Variants in ST6GALNAC5 observed in about 807,000 individuals in gnomAD.
The protein encoded by ST6GALNAC5 is alpha-N-acetylgalactosaminide alpha-2,6-sialyltransferase 5.
Under a neutral mutation model 33.6 loss-of-function variants are expected in ST6GALNAC5, and 27 were observed. The ratio of observed to expected loss-of-function variants is 0.80; its 90% confidence interval spans 0.59 to 1.11. ST6GALNAC5 has a LOEUF of 1.11. Ranked by LOEUF, ST6GALNAC5 falls within the 50% of genes least tolerant of loss-of-function variation. ST6GALNAC5 has a pLI of 0.00. For synonymous variants in ST6GALNAC5, 194 were observed against 171.2 expected (o/e 1.13, Z -1.04); for missense variants, 428 against 454.0 (o/e 0.94, Z 0.52).
intron 2 of ST6GALNAC5, among the ~76,000 whole-genome samples, chr1:76,879,514 A>G (rs1419144650): frequency 2.0e-5 from 3 of 152,120 alleles, no homozygotes; most frequent in African/African-American, 4.8e-5. Flanking sequence ...CACACCTCCT[A>G]TTGGGTCACA....
chr1:76,927,076 C>A (rs922139592), intron 2 of ST6GALNAC5, among the ~76,000 whole-genome samples: 2 of 151,898 alleles, frequency 1.3e-5, no homozygotes, highest in Admixed American at 1.3e-4. Context: ...TCAGGTATTG[C>A]AAATATTTTC....
intron 2 of ST6GALNAC5, among the ~76,000 whole-genome samples, chr1:76,958,071 C>T (rs1222975155): frequency 1.3e-5 from 2 of 151,996 alleles, no homozygotes; most frequent in Admixed American, 6.6e-5. Flanking sequence ...AAAAGAGTTC[C>T]CCGCAGGAGA....
At chr1:77,019,467 T>A (rs1650974728) in intron 2 of ST6GALNAC5, among the ~76,000 whole-genome samples, 1 of 152,232 alleles carries the variant, frequency 6.6e-6, no homozygotes, top group Non-Finnish European at 1.5e-5. Flanking sequence ...GGAGCCTGCA[T>A]CTTCATTGCT....
chr1:76,920,908 G>A (rs1252321312), intron 2 of ST6GALNAC5, among the ~76,000 whole-genome samples: 1 of 152,138 alleles, frequency 6.6e-6, no homozygotes. Flanking sequence ...GTGGGTTGCT[G>A]TAGTGTAAAC....
chr1:76,910,774 CACAG>C (rs1449930868), intron 2 of ST6GALNAC5, among the ~76,000 whole-genome samples: 1 of 151,830 alleles, frequency 6.6e-6, no homozygotes, highest in Non-Finnish European at 1.5e-5. Context: ...TAGACAAAGA[CACAG>C]ACAGTGGAAA....
intron 2 of ST6GALNAC5, among the ~76,000 whole-genome samples, chr1:76,871,063 G>A (rs1234708288): frequency 1.3e-5 from 2 of 152,170 alleles, no homozygotes; most frequent in Admixed American, 6.5e-5. Context: ...TGTTGTTTAT[G>A]TTCTCTCCAA....
rs1651927616 is a variant in ST6GALNAC5 at position 77,044,253 on chromosome 1, A to G, written c.311A>G (p.His104Arg). Reference protein sequence around the residue: ...RDCALVTSSGHLLHSRQGSQI... With the variant: ...RDCALVTSSGRLLHSRQGSQI... ...TGTGCCCTGGTGACCAGCTCAGGGC[A>G]TCTGCTGCACAGTCGGCAAGGCTCC... is the stretch of plus-strand genomic sequence containing the variant. Residue 104 changes from histidine to arginine, a missense_variant, in exon 3 of 5, where the codon CAT (histidine) becomes CGT (arginine). Coordinates refer to ENST00000477717, the MANE Select transcript of ST6GALNAC5 (RefSeq NM_030965.3). The G allele has an allele frequency of 6.8e-6, 11 of 1,613,808 alleles. No homozygotes were observed. Among genetic ancestry groups the G allele is most frequent in the Non-Finnish European group, 8.5e-6 (10 of 1,179,944 alleles).
At chr1:76,932,104 C>T (rs577560535) in intron 2 of ST6GALNAC5, among the ~76,000 whole-genome samples, 69 of 152,112 alleles carry the variant, frequency 4.5e-4, no homozygotes, top group Middle Eastern at 3.4e-3. Flanking sequence ...AAAGAAGTAG[C>T]GGTGAAATAT....
rs1337861589 is a variant in ST6GALNAC5, at chr1:76,987,979, G to T, written c.262-56225G>T. On this transcript the variant is annotated intron_variant, in intron 2 of 4. Transcript: ENST00000477717. Reference sequence around the variant, plus strand: ...CTCAAATATGTTTTCCAAACTTTTAGATTTCTCTTCTTCCTTAGAAACACC... The same window carrying T: ...CTCAAATATGTTTTCCAAACTTTTATATTTCTCTTCTTCCTTAGAAACACC... Among the ~76,000 whole-genome samples the T allele has an allele frequency of 3.3e-5, 5 of 152,012 alleles. No homozygotes were observed. In the South Asian group the frequency reaches 6.2e-4, roughly 19 times the overall value.
At chr1:76,980,167 A>G (rs920843337) in intron 2 of ST6GALNAC5, among the ~76,000 whole-genome samples, 2 of 152,138 alleles carry the variant, frequency 1.3e-5, no homozygotes, top group Admixed American at 6.5e-5. Context: ...GAATTTCCAT[A>G]AGTCCTGCTT....
At chr1:76,914,384 T>G (rs974738887) in intron 2 of ST6GALNAC5, among the ~76,000 whole-genome samples, 13 of 152,154 alleles carry the variant, frequency 8.5e-5, no homozygotes, top group East Asian at 5.8e-4. Flanking sequence ...CATCGCCAAG[T>G]CAATCCTAAG....
At chr1:76,905,418 G>A (rs555099224) in intron 2 of ST6GALNAC5, among the ~76,000 whole-genome samples, 250 of 152,308 alleles carry the variant, frequency 1.6e-3, no homozygotes, top group Admixed American at 3.5e-3. Context: ...GGGTCAGGCT[G>A]TGAGACACCC....
chr1:77,050,285 T>TG lies in ST6GALNAC5; in HGVS notation c.701dup (p.Trp235LeufsTer12). The TG allele has an allele frequency of 6.2e-7, 1 of 1,614,120 alleles. No individual in the cohort carries two copies. The highest frequency in any genetic ancestry group is 8.5e-7 in the Non-Finnish European group (1 of 1,179,938). On this transcript the variant is annotated frameshift_variant, in exon 4 of 5. Transcript: ENST00000477717. LOFTEE classifies it high-confidence loss of function. Reference sequence around the variant, plus strand: ...AGATATCCAACACTTGGCTCAGCACTGGCTGGTTTACAATGACAATTGCAC... The same window carrying TG: ...AGATATCCAACACTTGGCTCAGCACTGGGCTGGTTTACAATGACAATTGCAC...
chr1:76,974,773 C>CTTTTTTTT (rs60357939), intron 2 of ST6GALNAC5, among the ~76,000 whole-genome samples: 970 of 35,242 alleles, frequency 0.028, 161 homozygotes, highest in Middle Eastern at 0.045. Flanking sequence ...TTCTTTCTTT[C>CTTTTTTTT]TTTTTTTTTT....
chr1:77,043,008 GA>G (rs1168157920), intron 2 of ST6GALNAC5, among the ~76,000 whole-genome samples: 1 of 152,118 alleles, frequency 6.6e-6, no homozygotes, highest in East Asian at 1.9e-4. Context: ...GTGTAGTTCT[GA>G]AGACACAGCC....
intron 2 of ST6GALNAC5, among the ~76,000 whole-genome samples, chr1:76,965,369 T>C (rs981436224): frequency 9.8e-5 from 15 of 152,328 alleles, no homozygotes; most frequent in African/African-American, 3.6e-4. Context: ...CCAGTGATGA[T>C]GAGCATTTTT....
intron 3 of ST6GALNAC5, among the ~76,000 whole-genome samples, chr1:77,047,459 A>G (rs1207201405): frequency 6.6e-6 from 1 of 152,246 alleles, no homozygotes; most frequent in Non-Finnish European, 1.5e-5. Context: ...CATGATCAGG[A>G]CTTTCCTTTT....
At chr1:76,947,194 T>C (rs995469507) in intron 2 of ST6GALNAC5, among the ~76,000 whole-genome samples, 11 of 152,138 alleles carry the variant, frequency 7.2e-5, no homozygotes, top group African/African-American at 2.4e-4. Flanking sequence ...AGGTCAATGA[T>C]AATACAAAGA....
chr1:77,019,225 A>G (rs1163147697), intron 2 of ST6GALNAC5, among the ~76,000 whole-genome samples: 1 of 152,216 alleles, frequency 6.6e-6, no homozygotes, highest in African/African-American at 2.4e-5. Flanking sequence ...TGGAACACTG[A>G]AAACACATCT....
Sources: allele counts gnomAD v4.1 joint callset (sites outside exome capture counted in the v4.1 genomes callset), GRCh38; gene constraint gnomAD v4.1.1; transcripts MANE v1.5; gene names NCBI Gene and HGNC (gene_info 2026-07-23, HGNC 2026-07-21).